The following CR1 variants were observed in gnomAD, a reference collection of about 807,000 sequenced individuals.
The protein encoded by CR1 is complement C3b/C4b receptor 1 (Knops blood group).
In CR1, 116 loss-of-function variants were observed where a neutral mutation model predicts 187.3. The observed-to-expected ratio is 0.62, with a 90% CI of 0.53 to 0.72. CR1 has a LOEUF of 0.72. Ranked by LOEUF, CR1 falls within the 30% of genes least tolerant of loss-of-function variation. The pLI is 0.00. For missense variants in CR1, 1,731 were observed against 2,110.7 expected (o/e 0.82, Z 3.52); for synonymous variants, 576 against 747.1 (o/e 0.77, Z 3.73).
chr1:207,587,337 G>T (rs1661139851), intron 33 of CR1, 49 bp from the exon 34 acceptor site: 2 of 1,512,572 alleles, frequency 1.3e-6, no homozygotes, highest in Non-Finnish European at 1.8e-6. Flanking sequence ...AGGAGGTAGG[G>T]TGGAAGTCTC....
chr1:207,609,764 A>G, intron 37 of CR1, 76 bp downstream of exon 37: 1 of 1,410,832 alleles, frequency 7.1e-7, no homozygotes. Flanking sequence ...ATTAAGGAAG[A>G]AGTGTATAAG....
At position 207,617,499 on chromosome 1, in the gene CR1, ATATATATATGTGTG is replaced by A. The variant is rs1212139568; in HGVS notation, c.6890-570_6890-557del. ...GAACTTAAAGTATATATATATATAT[ATATATATATGTGTG>A]TGTGTGTGTGTGTGTGTGTGTGTGT... On this transcript the variant is annotated intron_variant, in intron 41 of 46. Transcript: ENST00000367049. Among the ~76,000 whole-genome samples the A allele has an allele frequency of 1.9e-4, 11 of 59,430 alleles. 1 individual carries two copies. Among genetic ancestry groups the A allele is most frequent in the African/African-American group, 7.0e-4 (11 of 15,800 alleles). 39.0% of individuals were successfully genotyped at this position (59,430 alleles called of 152,430 possible).
chr1:207,518,410 CT>C (rs1258953184), intron 4 of CR1, among the ~76,000 whole-genome samples: 2 of 152,122 alleles, frequency 1.3e-5, no homozygotes, highest in African/African-American at 4.8e-5. Context: ...TTAGAACAGT[CT>C]TTTTTTCCCC....
intron 46 of CR1, among the ~76,000 whole-genome samples, chr1:207,634,208 T>C (rs1334796925): frequency 2.0e-5 from 3 of 152,144 alleles, no homozygotes; most frequent in Admixed American, 2.0e-4. Context: ...CAAAATTAAT[T>C]TATGAAAATT....
chr1:207,620,369 A>C (rs1409126081), intron 43 of CR1, among the ~76,000 whole-genome samples: 1 of 152,238 alleles, frequency 6.6e-6, no homozygotes, highest in Non-Finnish European at 1.5e-5. Flanking sequence ...AGCATGAGTT[A>C]GGGAGCACCT....
At position 207,639,591 on chromosome 1, in the gene CR1, G is replaced by C; in HGVS notation, c.*182G>C. 1.7e-6 allele frequency: 1 copy of C among 590,284 alleles called. No individual in the cohort carries two copies. Among genetic ancestry groups the C allele is most frequent in the Non-Finnish European group, 3.0e-6 (1 of 333,978 alleles). 36.6% of individuals were successfully genotyped at this position (590,284 alleles called of 1,614,324 possible). ...TACCTAGCAAAGCTCCTGCCTCTTT[G>C]TGTGCGTCACTGTGAAACCCCCACC... On this transcript the variant is annotated 3_prime_UTR_variant, in exon 47 of 47. Coordinates refer to ENST00000367049, the MANE Select transcript of CR1 (RefSeq NM_000651.6).
chr1:207,617,608 TATATAGAGAGAGAGAGAGAGAGAGAGAG>T (rs1210852697), intron 41 of CR1, among the ~76,000 whole-genome samples: 195 of 12,118 alleles, frequency 0.016, 1 homozygote, highest in Middle Eastern at 0.036. Flanking sequence ...TATATATATA[TATATAGAGAGAGAGAGAGAGAGAGAGAG>T]AGAGAGAGAG....
chr1:207,564,767 C>T (rs1660440608), intron 23 of CR1, among the ~76,000 whole-genome samples: 1 of 150,072 alleles, frequency 6.7e-6, no homozygotes. Flanking sequence ...CACCATTGCA[C>T]TCCAGCGTGA....
intron 4 of CR1, among the ~76,000 whole-genome samples, chr1:207,519,906 G>T (rs1051126308): frequency 6.8e-6 from 1 of 147,322 alleles, no homozygotes; most frequent in Non-Finnish European, 1.5e-5. Context: ...GGTGATTGGC[G>T]TAAGAGTAGT....
At chr1:207,572,878 C>T (rs1295292925) in intron 27 of CR1, among the ~76,000 whole-genome samples, 1 of 149,992 alleles carries the variant, frequency 6.7e-6, no homozygotes, top group Admixed American at 6.7e-5. Flanking sequence ...CTCATATGGC[C>T]ATCTTCCCTC....
At chr1:207,506,889 G>A (rs547854481) in intron 3 of CR1, 76 bp downstream of exon 3, 1 of 1,208,330 alleles carries the variant, frequency 8.3e-7, no homozygotes, top group Admixed American at 2.1e-5. Flanking sequence ...CTAGTCACAT[G>A]TCAGAAAGGA....
intron 1 of CR1, among the ~76,000 whole-genome samples, chr1:207,502,936 C>A (rs1156551314): frequency 6.6e-6 from 1 of 152,192 alleles, no homozygotes; most frequent in Non-Finnish European, 1.5e-5. Context: ...CTGAGGTCAC[C>A]AGTCACTGAG....
intron 45 of CR1, among the ~76,000 whole-genome samples, chr1:207,627,293 TTC>T: frequency 6.6e-6 from 1 of 152,320 alleles, no homozygotes; most frequent in East Asian, 1.9e-4. Context: ...TCCATGTTTA[TTC>T]TCTCTCTCCC....
chr1:207,639,497 C>T lies in CR1; in HGVS notation c.*88C>T. 7.5e-7 allele frequency: 1 copy of T among 1,339,288 alleles called. No homozygotes were observed. The highest frequency in any genetic ancestry group is 1.0e-6 in the Non-Finnish European group (1 of 957,510). The allele number at this position is 1,339,288 out of a possible 1,614,324, so 83.0% of individuals were successfully genotyped here. A position where few individuals can be genotyped will look rare whatever the true frequency, so the allele number is the denominator to read the frequency against. ...TTTCAACAGAATCAGATCTGAGCTT[C>T]ATAAAGTCTTTGAAGTGACTTCACA... On this transcript the variant is annotated 3_prime_UTR_variant, in exon 47 of 47. Transcript: ENST00000367049.
At chr1:207,499,777 T>C (rs1189140713) in intron 1 of CR1, among the ~76,000 whole-genome samples, 5 of 152,378 alleles carry the variant, frequency 3.3e-5, no homozygotes, top group Admixed American at 6.5e-5. Flanking sequence ...ATTTGCTTTC[T>C]GTGCTTTGTG....
Position 207,628,327 on chromosome 1 carries a change from C to T in CR1, c.7353-2190C>T, listed in dbSNP as rs79148804. Among the ~76,000 whole-genome samples the T allele has an allele frequency of 3.3e-4, 50 of 152,236 alleles. 1 individual carries two copies. The East Asian group carries it at 9.1e-3, about 28-fold the overall frequency. The stretch of plus-strand genomic sequence containing the variant: ...CCTGTGAGCAGGGACCACCTATATC[C>T]ACCCAAAGCAATTTTTATTTAATGA... On this transcript the variant is annotated intron_variant, in intron 45 of 46. Transcript: ENST00000367049.
chr1:207,586,905 G>A (rs1258391081), intron 33 of CR1, among the ~76,000 whole-genome samples: 1 of 152,188 alleles, frequency 6.6e-6, no homozygotes, highest in Non-Finnish European at 1.5e-5. Context: ...GTTTTAGGTA[G>A]AGATATCTTT....
chr1:207,506,473 A>G (rs671436), intron 2 of CR1, among the ~76,000 whole-genome samples: 3 of 152,190 alleles, frequency 2.0e-5, no homozygotes, highest in East Asian at 3.8e-4. Context: ...AGATAATAAC[A>G]AAGTTTACAT....
Position 207,639,704 on chromosome 1 carries a change from G to A in CR1, c.*295G>A, listed in dbSNP as rs567915761. ...AGAAAATAGTTTGGATTACTTAAAGGAATAAGGTGTTGCCTGGAATTTCTG... is the reference window on the plus strand; with the variant it reads ...AGAAAATAGTTTGGATTACTTAAAGAAATAAGGTGTTGCCTGGAATTTCTG... On this transcript the variant is annotated 3_prime_UTR_variant, in exon 47 of 47. Transcript: ENST00000367049. 365 of 279,326 alleles carry A rather than the reference G, an allele frequency of 1.3e-3. No individual in the cohort carries two copies. Among genetic ancestry groups the A allele is most frequent in the Non-Finnish European group, 2.0e-3 (301 of 150,252 alleles). The allele number at this position is 279,326 out of a possible 1,614,324, so 17.3% of individuals were successfully genotyped here. A position where few individuals can be genotyped will look rare whatever the true frequency, so the allele number is the denominator to read the frequency against.
Sources: allele counts gnomAD v4.1 joint callset (sites outside exome capture counted in the v4.1 genomes callset), GRCh38; gene constraint gnomAD v4.1.1; transcripts MANE v1.5; gene names NCBI Gene and HGNC (gene_info 2026-07-23, HGNC 2026-07-21).